The following GLI3 variants were observed in gnomAD, a reference collection of about 807,000 sequenced individuals.
GLI3 encodes GLI family zinc finger 3.
GLI3 carries 20 observed loss-of-function variants against 100.8 expected under a neutral mutation model. The ratio of observed to expected loss-of-function variants is 0.20; its 90% confidence interval spans 0.14 to 0.29. The LOEUF (loss-of-function observed/expected upper bound fraction) is 0.29. GLI3 is among the 10% of genes least tolerant of loss of function. The pLI is 1.00. For synonymous variants in GLI3, 938 were observed against 860.5 expected (o/e 1.09, Z -1.58); for missense variants, 2,040 against 2,128.5 (o/e 0.96, Z 0.82).
In GLI3 at chr7:42,026,370, G is replaced by C; in HGVS notation, c.1071C>G (p.Leu357=). The C allele has an allele frequency of 6.2e-7, 1 of 1,614,208 alleles. No individual in the cohort carries two copies. The highest frequency in any genetic ancestry group is 8.5e-7 in the Non-Finnish European group (1 of 1,180,034). ...SFTYSSAPVS[L]HMHQQILSRQ... is the part of the protein sequence containing the mutation. ...GGCTTAGGATCTGCTGATGCATGTGGAGAGAGACGGGCGCGGAAGAGTAGG... is the reference window on the plus strand; with the variant it reads ...GGCTTAGGATCTGCTGATGCATGTGCAGAGAGACGGGCGCGGAAGAGTAGG... The change falls in exon 8 of 15, where the codon CTC becomes CTG. Residue 357 remains leucine, a synonymous_variant. Transcript: ENST00000395925.
intron 10 of GLI3, among the ~76,000 whole-genome samples, 191 bp from the exon 11 acceptor site, chr7:41,978,939 T>A (rs1562667285): frequency 6.6e-6 from 1 of 152,246 alleles, no homozygotes; most frequent in East Asian, 1.9e-4. Flanking sequence ...GCTAACTGTG[T>A]ATGCATGCTT....
At chr7:42,166,269 C>T (rs1326766984) in intron 2 of GLI3, among the ~76,000 whole-genome samples, 1 of 152,176 alleles carries the variant, frequency 6.6e-6, no homozygotes, top group Non-Finnish European at 1.5e-5. Context: ...TGAGGGCAGG[C>T]GCTGGAATTC....
At chr7:42,059,357 TTG>T (rs2128746416) in intron 4 of GLI3, among the ~76,000 whole-genome samples, 1 of 151,360 alleles carries the variant, frequency 6.6e-6, no homozygotes, top group East Asian at 1.9e-4. Context: ...ATTACTAGAG[TTG>T]GTAAGAAGGA....
intron 10 of GLI3, among the ~76,000 whole-genome samples, chr7:41,979,977 C>T (rs1787610450): frequency 6.6e-6 from 1 of 152,110 alleles, no homozygotes; most frequent in African/African-American, 2.4e-5. Context: ...GATGGCCTTT[C>T]GCTTTAGGTA....
At position 42,199,616 on chromosome 7, in the gene GLI3, GCA is replaced by G. The variant is rs377282070; in HGVS notation, c.124+23512_124+23513del. 1.8e-3 allele frequency among the ~76,000 whole-genome samples: 279 copies of G among 152,326 alleles called. 4 individuals carry two copies. Among genetic ancestry groups the G allele is most frequent in the African/African-American group, 6.1e-3 (252 of 41,562 alleles). ...TATATATGTGCGTGTATGTGTGTGA[GCA>G]CACGTGTGTCCTCTCCTTTCACCTT... On this transcript the variant is annotated intron_variant, in intron 2 of 14. Transcript: ENST00000395925.
At chr7:42,245,130 T>C (rs1788958809) in intron 1 of GLI3, among the ~76,000 whole-genome samples, 1 of 152,116 alleles carries the variant, frequency 6.6e-6, no homozygotes, top group Non-Finnish European at 1.5e-5. Flanking sequence ...CCCATTCTTA[T>C]CCCATTTGCA....
chr7:41,988,484 GGT>G (rs1491459997), intron 10 of GLI3, among the ~76,000 whole-genome samples: 788 of 105,144 alleles, frequency 7.5e-3, no homozygotes, highest in Middle Eastern at 0.023. Flanking sequence ...AGGGGGGGGG[GGT>G]GGGGCCTTAA....
chr7:42,109,395 C>T (rs144960764), intron 3 of GLI3, among the ~76,000 whole-genome samples: 1 of 152,306 alleles, frequency 6.6e-6, no homozygotes, highest in African/African-American at 2.4e-5. Flanking sequence ...AAGTCCCACA[C>T]AAACCCCATG....
At chr7:42,098,352 T>C (rs1785386739) in intron 3 of GLI3, among the ~76,000 whole-genome samples, 1 of 152,124 alleles carries the variant, frequency 6.6e-6, no homozygotes. Flanking sequence ...TTTAGCCCCA[T>C]GTCAGCCATT....
intron 10 of GLI3, among the ~76,000 whole-genome samples, chr7:42,015,749 A>C (rs894125899): frequency 1.3e-5 from 2 of 151,564 alleles, no homozygotes; most frequent in African/African-American, 4.9e-5. Flanking sequence ...ACACACACAC[A>C]CCCACCCCCC....
At chr7:42,184,368 T>C (rs1293197540) in intron 2 of GLI3, among the ~76,000 whole-genome samples, 1 of 152,056 alleles carries the variant, frequency 6.6e-6, no homozygotes, top group African/African-American at 2.4e-5. Context: ...TGTCTCAGGG[T>C]CCCTCAATCA....
intron 10 of GLI3, among the ~76,000 whole-genome samples, chr7:42,000,450 T>G (rs575969034): frequency 6.6e-6 from 1 of 152,314 alleles, no homozygotes; most frequent in South Asian, 2.1e-4. Context: ...TGGGATTATT[T>G]TTGTACACCT....
Position 41,965,202 on chromosome 7 carries a change from C to A in GLI3, c.3871G>T (p.Gly1291Cys). Residue 1291 changes from glycine to cysteine, a missense_variant, in exon 15 of 15, where the codon GGC (glycine) becomes TGC (cysteine). Transcript: ENST00000395925. ...LKSTPMQGSG[G>C]QLNFGLPVAP... The stretch of plus-strand genomic sequence containing the variant: ...ACCGGCAGGCCGAAATTCAGCTGGC[C>A]CCCGCTCCCTTGCATGGGGGTGCTC... The A allele has an allele frequency of 6.2e-7, 1 of 1,613,852 alleles. No homozygotes were observed. Among genetic ancestry groups the A allele is most frequent in the South Asian group, 1.1e-5 (1 of 91,086 alleles).
At chr7:41,973,716 A>T (rs1787429227) in intron 12 of GLI3, among the ~76,000 whole-genome samples, 1 of 152,176 alleles carries the variant, frequency 6.6e-6, no homozygotes, top group Non-Finnish European at 1.5e-5. Context: ...TGTCTTGTAG[A>T]ATGTATGTCT....
intron 2 of GLI3, among the ~76,000 whole-genome samples, chr7:42,165,772 T>C (rs1787228221): frequency 6.6e-6 from 1 of 152,182 alleles, no homozygotes; most frequent in Admixed American, 6.5e-5. Context: ...GTAAAGTCAC[T>C]GAGTATACTA....
At chr7:42,202,002 A>T (rs1788049244) in intron 2 of GLI3, among the ~76,000 whole-genome samples, 1 of 151,020 alleles carries the variant, frequency 6.6e-6, no homozygotes, top group Non-Finnish European at 1.5e-5. Flanking sequence ...GAATCGCTTG[A>T]ACCCAGGAGG....
At chr7:41,979,686 A>C (rs1787605675) in intron 10 of GLI3, among the ~76,000 whole-genome samples, 1 of 152,224 alleles carries the variant, frequency 6.6e-6, no homozygotes, top group African/African-American at 2.4e-5. Flanking sequence ...AGACATTTGC[A>C]TCCTAGGTTG....
At chr7:41,997,148 T>C (rs1788148713) in intron 10 of GLI3, among the ~76,000 whole-genome samples, 1 of 152,144 alleles carries the variant, frequency 6.6e-6, no homozygotes. Flanking sequence ...GTTGAGTTTT[T>C]CCCCCAGATG....
At chr7:42,210,332 A>C (rs1320930498) in intron 2 of GLI3, among the ~76,000 whole-genome samples, 1 of 115,824 alleles carries the variant, frequency 8.6e-6, no homozygotes, top group African/African-American at 3.0e-5. Flanking sequence ...CTATTCAAAA[A>C]TGAAAGCCCC....
Sources: allele counts gnomAD v4.1 joint callset (sites outside exome capture counted in the v4.1 genomes callset), GRCh38; gene constraint gnomAD v4.1.1; transcripts MANE v1.5; gene names NCBI Gene and HGNC (gene_info 2026-07-23, HGNC 2026-07-21).